Variants in PEPD observed in about 807,000 individuals in gnomAD.
PEPD encodes the protein xaa-Pro dipeptidase.
Under a neutral mutation model 60.7 loss-of-function variants are expected in PEPD, and 53 were observed. That is an observed-to-expected ratio of 0.87 (90% CI 0.70 to 1.10). The LOEUF is 1.10. Ranked by LOEUF, PEPD falls within the 50% of genes least tolerant of loss-of-function variation. The pLI is 0.00. For missense variants in PEPD, 711 were observed against 711.9 expected (o/e 1.00, Z 0.01); for synonymous variants, 267 against 284.1 (o/e 0.94, Z 0.60).
chr19:33,511,507 C>A, intron 2 of PEPD: 1 of 355,652 alleles, frequency 2.8e-6, no homozygotes, highest in South Asian at 2.3e-5. Flanking sequence ...GCAGGCAAGA[C>A]GCCCCCCGGA....
chr19:33,512,643 C>T lies in PEPD; in HGVS notation c.151G>A (p.Gly51Arg), dbSNP rs762303328. The T allele has an allele frequency of 3.3e-5, 53 of 1,613,942 alleles. No homozygotes were observed. In the East Asian group the frequency reaches 8.9e-4, roughly 27 times the overall value. Residue 51 changes from glycine (G) to arginine (R), a missense_variant, in exon 2 of 15, where the codon GGG (glycine) becomes AGG (arginine). Gly to Arg is a moderately radical substitution (Grantham distance 125). Transcript: ENST00000244137. ...GTGCAGTAGCGCTGAGTCTCCTCCC[C>T]GCCCTGCAGGACCACGATGGAGCCG... ...QAGSIVVLQG[G>R]EETQRYCTDT...
At chr19:33,388,422 C>G in intron 13 of PEPD, 1 of 507,396 alleles carries the variant, frequency 2.0e-6, no homozygotes, top group Non-Finnish European at 3.6e-6. Context: ...GGCCCCGCTG[C>G]TGGCCAGAGG....
chr19:33,404,719 A>G (rs890996488), intron 11 of PEPD, among the ~76,000 whole-genome samples: 8 of 152,148 alleles, frequency 5.3e-5, no homozygotes, highest in Non-Finnish European at 1.2e-4. Context: ...AGGGGGAAGT[A>G]TACACCCAGC....
intron 9 of PEPD, among the ~76,000 whole-genome samples, chr19:33,427,331 G>C (rs955484980): frequency 6.6e-6 from 1 of 152,180 alleles, no homozygotes; most frequent in Non-Finnish European, 1.5e-5. Context: ...CACCATCCAG[G>C]TCCTCAGCAC....
At chr19:33,389,667 G>A (rs1026184520) in intron 13 of PEPD, among the ~76,000 whole-genome samples, 1 of 152,222 alleles carries the variant, frequency 6.6e-6, no homozygotes, top group Non-Finnish European at 1.5e-5. Flanking sequence ...CACCCCGGCT[G>A]CTCCATGGTA....
chr19:33,513,218 G>A (rs951959500), intron 1 of PEPD, among the ~76,000 whole-genome samples: 1 of 152,078 alleles, frequency 6.6e-6, no homozygotes, highest in Non-Finnish European at 1.5e-5. Context: ...CCCTGCTAGA[G>A]GCCAGCTTGG....
Position 33,401,747 on chromosome 19 carries a change from C to T in PEPD, c.941G>A (p.Arg314His), listed in dbSNP as rs201447445. 1.6e-4 allele frequency: 257 copies of T among 1,608,994 alleles called. No homozygotes were observed. In the East Asian group the frequency reaches 5.4e-3, roughly 34 times the overall value. Reference sequence around the variant, plus strand: ...TGGCTTCATGGCACCCATGACGGCACGGGAGCTCCGCAGCACTGCCTCATA... The same window carrying T: ...TGGCTTCATGGCACCCATGACGGCATGGGAGCTCCGCAGCACTGCCTCATA... ...AVYEAVLRSS[R>H]AVMGAMKPGV... Residue 314 changes from arginine to histidine, a missense_variant, in exon 12 of 15, where the codon CGT becomes CAT. Physicochemically the swap from Arg to His is conservative, Grantham distance 29 (BLOSUM62 0). Coordinates refer to ENST00000244137, the MANE Select transcript of PEPD (RefSeq NM_000285.4).
intron 1 of PEPD, among the ~76,000 whole-genome samples, chr19:33,515,687 C>CA (rs1184425451): frequency 6.6e-6 from 1 of 151,878 alleles, no homozygotes; most frequent in Non-Finnish European, 1.5e-5. Context: ...TGGACAGCCT[C>CA]AGCCACAGTC....
intron 3 of PEPD, among the ~76,000 whole-genome samples, chr19:33,508,854 G>C (rs909353443): frequency 6.6e-5 from 10 of 152,238 alleles, no homozygotes; most frequent in Non-Finnish European, 1.2e-4. Context: ...TTTTGGACAA[G>C]ACAATCTGCC....
chr19:33,429,815 A>C (rs10401477), intron 9 of PEPD, among the ~76,000 whole-genome samples: 84,757 of 152,090 alleles, frequency 0.56, 24,243 homozygotes, highest in African/African-American at 0.64. Flanking sequence ...CCGATTGCAA[A>C]TGGGCAAAGG....
At chr19:33,444,413 G>A (rs943872678) in intron 9 of PEPD, among the ~76,000 whole-genome samples, 1 of 152,086 alleles carries the variant, frequency 6.6e-6, no homozygotes, top group Non-Finnish European at 1.5e-5. Flanking sequence ...GGCAGCGACT[G>A]ATACAGCCCC....
At chr19:33,402,058 C>T (rs1968510790) in intron 11 of PEPD, among the ~76,000 whole-genome samples, 189 bp from the exon 12 acceptor site, 1 of 152,154 alleles carries the variant, frequency 6.6e-6, no homozygotes, top group Non-Finnish European at 1.5e-5. Flanking sequence ...AGCAAGGAAA[C>T]CCGAAGCCAT....
rs547928631 is a variant in PEPD, at chr19:33,445,688, G to C, written c.671+17307C>G. ...GCCACCAAGGCTGTGGTCTTTTGTGGGGCAGCCCTAGCACACTCACACAGG... is the reference window on the plus strand; with the variant it reads ...GCCACCAAGGCTGTGGTCTTTTGTGCGGCAGCCCTAGCACACTCACACAGG... On this transcript the variant is annotated intron_variant, in intron 9 of 14. Coordinates refer to ENST00000244137, the MANE Select transcript of PEPD (RefSeq NM_000285.4). 5.5e-4 allele frequency among the ~76,000 whole-genome samples: 83 copies of C among 152,240 alleles called. 1 individual carries two copies. In the South Asian group the frequency reaches 0.017, roughly 31 times the overall value.
chr19:33,469,648 C>T (rs898144645), intron 7 of PEPD, among the ~76,000 whole-genome samples: 3 of 152,126 alleles, frequency 2.0e-5, no homozygotes, highest in Admixed American at 1.3e-4. Context: ...CCAACCTCCA[C>T]CAGCTCCTGC....
chr19:33,420,939 C>A (rs1362680518), intron 9 of PEPD, among the ~76,000 whole-genome samples: 3 of 152,116 alleles, frequency 2.0e-5, no homozygotes, highest in African/African-American at 7.2e-5. Context: ...TTTTTAACTT[C>A]ATGTAAATGG....
intron 9 of PEPD, among the ~76,000 whole-genome samples, chr19:33,440,458 G>A (rs1764793341): frequency 6.6e-6 from 1 of 152,068 alleles, no homozygotes. Flanking sequence ...GCTTTGGACA[G>A]TAGCCAAACA....
intron 6 of PEPD, among the ~76,000 whole-genome samples, chr19:33,479,140 G>C (rs976829466): frequency 3.9e-5 from 6 of 151,984 alleles, no homozygotes; most frequent in African/African-American, 1.5e-4. Context: ...ATGCAAACTA[G>C]ATTTTCAAGT....
At chr19:33,494,604 T>C (rs1304927694) in intron 4 of PEPD, among the ~76,000 whole-genome samples, 1 of 152,230 alleles carries the variant, frequency 6.6e-6, no homozygotes, top group Non-Finnish European at 1.5e-5. Context: ...TCTTCAAACA[T>C]GCAATTTTTA....
intron 9 of PEPD, among the ~76,000 whole-genome samples, chr19:33,433,987 G>A (rs539958896): frequency 1.2e-4 from 1 of 8,288 alleles, no homozygotes; most frequent in African/African-American, 6.2e-4. Context: ...AACGTGCCCC[G>A]TGGGTGAAGA....
Sources: allele counts gnomAD v4.1 joint callset (sites outside exome capture counted in the v4.1 genomes callset), GRCh38; gene constraint gnomAD v4.1.1; transcripts MANE v1.5; gene names NCBI Gene and HGNC (gene_info 2026-07-23, HGNC 2026-07-21).